The following LAMA2 variants were observed in gnomAD, a reference collection of about 807,000 sequenced individuals.
The protein encoded by LAMA2 is laminin subunit alpha 2, also known as laminin subunit alpha-2.
LAMA2 carries 269 observed loss-of-function variants against 364.8 expected under a neutral mutation model. The ratio of observed to expected loss-of-function variants is 0.74; its 90% CI spans 0.67 to 0.82. The LOEUF (loss-of-function observed/expected upper bound fraction) is 0.82. Ranked by LOEUF, LAMA2 falls within the 40% of genes least tolerant of loss-of-function variation. LAMA2 has a pLI of 0.00. For missense variants in LAMA2, 3,807 were observed against 3,873.2 expected, an observed-to-expected ratio of 0.98 and a Z score of 0.45; for synonymous variants, 1,379 against 1,370.6, an observed-to-expected ratio of 1.01 and a Z score of -0.14.
At chr6:128,910,887 T>C (rs1358198663) in intron 1 of LAMA2, among the ~76,000 whole-genome samples, 12 of 151,602 alleles carry the variant, frequency 7.9e-5, no homozygotes, top group South Asian at 2.1e-4. Context: ...TCTGTTGGAG[T>C]ACCCTGCCAT....
At chr6:128,931,304 T>C (rs1355402426) in intron 1 of LAMA2, among the ~76,000 whole-genome samples, 1 of 152,216 alleles carries the variant, frequency 6.6e-6, no homozygotes, top group Non-Finnish European at 1.5e-5. Flanking sequence ...TATCACACTT[T>C]GCAGTGGCCA....
At chr6:129,294,549 A>G (rs1296011410) in intron 20 of LAMA2, among the ~76,000 whole-genome samples, 2 of 152,154 alleles carry the variant, frequency 1.3e-5, no homozygotes, top group Non-Finnish European at 2.9e-5. Flanking sequence ...CTCCATTCTC[A>G]TGACCTAATC....
At chr6:129,286,300 T>C (rs1789115577) in intron 18 of LAMA2, among the ~76,000 whole-genome samples, 1 of 151,778 alleles carries the variant, frequency 6.6e-6, no homozygotes, top group South Asian at 2.1e-4. Context: ...AAGATTCAGA[T>C]GCCCTGTTCT....
chr6:129,368,247 A>G (rs891708119), intron 33 of LAMA2, among the ~76,000 whole-genome samples: 3 of 152,212 alleles, frequency 2.0e-5, no homozygotes, highest in Non-Finnish European at 4.4e-5. Flanking sequence ...GGACACAAAC[A>G]TTCTGCCTTC....
At chr6:128,888,382 A>G (rs6914469) in intron 1 of LAMA2, among the ~76,000 whole-genome samples, 3,591 of 152,254 alleles carry the variant, frequency 0.024, 125 homozygotes, top group African/African-American at 0.083. Context: ...TTTAGTTGGG[A>G]TGGAGATGAG....
intron 28 of LAMA2, among the ~76,000 whole-genome samples, chr6:129,326,306 G>A (rs922764609): frequency 3.9e-5 from 6 of 152,044 alleles, no homozygotes; most frequent in African/African-American, 1.2e-4. Context: ...GGGCTGGACC[G>A]GACCACAGAC....
At chr6:129,205,535 T>C (rs1242658790) in intron 12 of LAMA2, among the ~76,000 whole-genome samples, 1 of 138,172 alleles carries the variant, frequency 7.2e-6, no homozygotes, top group Non-Finnish European at 1.5e-5. Flanking sequence ...CACACACACG[T>C]GTGTGAAATG....
At chr6:128,952,928 G>T (rs1189294370) in intron 1 of LAMA2, among the ~76,000 whole-genome samples, 4 of 152,064 alleles carry the variant, frequency 2.6e-5, no homozygotes, top group Non-Finnish European at 5.9e-5. Context: ...CCTCTTTGTT[G>T]TCTTTATTTT....
chr6:129,442,550 G>A (rs59153423), intron 43 of LAMA2, among the ~76,000 whole-genome samples: 3,932 of 152,120 alleles, frequency 0.026, 168 homozygotes, highest in African/African-American at 0.089. Context: ...AAGTTCAGGC[G>A]TATAAGTGCA....
At chr6:128,900,142 T>A (rs1009201766) in intron 1 of LAMA2, among the ~76,000 whole-genome samples, 2 of 152,220 alleles carry the variant, frequency 1.3e-5, no homozygotes, top group Non-Finnish European at 2.9e-5. Context: ...GGTCTCTTGC[T>A]TGAAGTTATC....
intron 1 of LAMA2, among the ~76,000 whole-genome samples, chr6:128,992,610 A>G (rs1783674872): frequency 6.6e-6 from 1 of 152,228 alleles, no homozygotes; most frequent in African/African-American, 2.4e-5. Flanking sequence ...AGGGACTGGC[A>G]TTTAAAGAGA....
intron 12 of LAMA2, among the ~76,000 whole-genome samples, chr6:129,199,961 C>T (rs1174178422): frequency 1.3e-5 from 2 of 151,754 alleles, no homozygotes; most frequent in Admixed American, 1.3e-4. Context: ...CGCCTGCAAT[C>T]CCAGCTACTC....
chr6:129,382,188 A>G (rs1370085377), intron 34 of LAMA2, among the ~76,000 whole-genome samples: 1 of 152,216 alleles, frequency 6.6e-6, no homozygotes, highest in African/African-American at 2.4e-5. Flanking sequence ...CTAATTCATT[A>G]TCTGTAGTTA....
chr6:129,088,371 CCAT>C (rs769353146), intron 3 of LAMA2, among the ~76,000 whole-genome samples: 1 of 152,086 alleles, frequency 6.6e-6, no homozygotes, highest in Non-Finnish European at 1.5e-5. Flanking sequence ...CACAAAACCA[CCAT>C]CATCATCATG....
At chr6:128,967,819 G>A (rs2114610184) in intron 1 of LAMA2, among the ~76,000 whole-genome samples, 1 of 152,154 alleles carries the variant, frequency 6.6e-6, no homozygotes, top group African/African-American at 2.4e-5. Context: ...TTACACCTCA[G>A]ATTATTTCTA....
At position 129,050,153 on chromosome 6, in the gene LAMA2, C is replaced by A; in HGVS notation, c.283+65C>A. On this transcript the variant is annotated intron_variant, in intron 2 of 64. Coordinates refer to ENST00000421865, the MANE Select transcript of LAMA2 (RefSeq NM_000426.4). ...ATCTATAATTGTGAGATGTTGAGGC[C>A]AAGTTGCATTAAATTCAAGGGTTTG... The A allele has an allele frequency of 4.0e-6, 6 of 1,495,342 alleles. No homozygotes were observed. The South Asian group carries it at 4.6e-5, about 11-fold the overall frequency. The allele number at this position is 1,495,342 out of a possible 1,614,324, so 92.6% of individuals were successfully genotyped here. A position where few individuals can be genotyped will look rare whatever the true frequency, so the allele number is the denominator to read the frequency against.
intron 12 of LAMA2, among the ~76,000 whole-genome samples, chr6:129,243,479 G>A (rs978560423): frequency 1.3e-5 from 2 of 151,836 alleles, no homozygotes; most frequent in Non-Finnish European, 2.9e-5. Context: ...GGAGTTATAT[G>A]AAATGTAGGA....
chr6:128,994,905 T>C (rs1783832179), intron 1 of LAMA2, among the ~76,000 whole-genome samples: 1 of 152,126 alleles, frequency 6.6e-6, no homozygotes, highest in African/African-American at 2.4e-5. Flanking sequence ...TTAAGAGGTA[T>C]TGATAAGGAC....
At chr6:129,451,312 C>T (rs1183965993) in intron 45 of LAMA2, among the ~76,000 whole-genome samples, 1 of 152,172 alleles carries the variant, frequency 6.6e-6, no homozygotes, top group East Asian at 1.9e-4. Flanking sequence ...CCACCCTATC[C>T]AGAAGACTGT....
Sources: allele counts gnomAD v4.1 joint callset (sites outside exome capture counted in the v4.1 genomes callset), GRCh38; gene constraint gnomAD v4.1.1; transcripts MANE v1.5; gene names NCBI Gene and HGNC (gene_info 2026-07-23, HGNC 2026-07-21).